Variants in DENND1B observed in about 807,000 individuals in gnomAD.
DENND1B encodes the protein DENN domain containing 1B, also known as DENN domain-containing protein 1B.
Under a neutral mutation model 90.1 loss-of-function variants are expected in DENND1B, and 59 were observed. The observed-to-expected ratio is 0.65, with a 90% confidence interval of 0.53 to 0.81. DENND1B has a LOEUF of 0.81. Among genes scored for constraint, DENND1B ranks in the 40% least tolerant of loss-of-function variants. DENND1B has a pLI of 0.00. For synonymous variants in DENND1B, 337 were observed against 324.6 expected, an observed-to-expected ratio of 1.04 and a Z score of -0.41; for missense variants, 862 against 912.6, an observed-to-expected ratio of 0.94 and a Z score of 0.71.
chr1:197,650,539 C>T (rs780163602), intron 7 of DENND1B, among the ~76,000 whole-genome samples: 1 of 152,180 alleles, frequency 6.6e-6, no homozygotes, highest in African/African-American at 2.4e-5. Flanking sequence ...GGAAAAAAGT[C>T]ATTACATGAA....
chr1:197,669,475 C>T (rs1347030014), intron 5 of DENND1B, among the ~76,000 whole-genome samples: 2 of 152,036 alleles, frequency 1.3e-5, no homozygotes, highest in African/African-American at 4.8e-5. Context: ...TATAATTTTC[C>T]AATTTTCTGA....
In DENND1B at chr1:197,517,778, C is replaced by T. The variant is rs188851447; in HGVS notation, c.1516-4825G>A. Among the ~76,000 whole-genome samples the T allele has an allele frequency of 5.0e-3, 758 of 151,990 alleles. 6 individuals are homozygous for T. Among genetic ancestry groups the T allele is most frequent in the Middle Eastern group, 0.024 (7 of 294 alleles). ...TATGGCAGCCTCTCTGGAGGCTTCA[C>T]CTGCCATAAAGATGTTTGCTCCACA... On this transcript the variant is annotated intron_variant, in intron 20 of 22. Transcript: ENST00000620048.
chr1:197,697,339 A>G (rs2102130287), intron 3 of DENND1B, among the ~76,000 whole-genome samples: 1 of 151,872 alleles, frequency 6.6e-6, no homozygotes, highest in Non-Finnish European at 1.5e-5. Context: ...TAAATCTTCA[A>G]TTAAATAAAA....
At chr1:197,604,934 A>C (rs1676535734) in intron 13 of DENND1B, among the ~76,000 whole-genome samples, 1 of 151,090 alleles carries the variant, frequency 6.6e-6, no homozygotes, top group Middle Eastern at 3.2e-3. Flanking sequence ...ATGGGTTCTA[A>C]AAATCACCCA....
rs143810758 is a variant in DENND1B at position 197,570,595 on chromosome 1, T to C, written c.1149+12557A>G. Among the ~76,000 whole-genome samples the C allele has an allele frequency of 6.0e-3, 917 of 152,298 alleles. 11 individuals carry two copies. Among genetic ancestry groups the C allele is most frequent in the African/African-American group, 0.021 (888 of 41,580 alleles). On this transcript the variant is annotated intron_variant, in intron 15 of 22. Transcript: ENST00000620048. ...TGATTTTATTAGAGGTGGATGATCT[T>C]GAGGATTTTTACCCTAATATTATAA...
intron 2 of DENND1B, chr1:197,747,167 T>C (rs1652815276): frequency 4.0e-6 from 3 of 758,952 alleles, no homozygotes; most frequent in South Asian, 1.4e-5. Context: ...CCTCTGAATC[T>C]TGAGGTTGCG....
intron 13 of DENND1B, among the ~76,000 whole-genome samples, chr1:197,595,563 T>TC (rs1038646938): frequency 2.0e-5 from 3 of 152,092 alleles, no homozygotes; most frequent in Admixed American, 6.6e-5. Flanking sequence ...TCTCTTTTTT[T>TC]CCCAAGGCCT....
intron 10 of DENND1B, among the ~76,000 whole-genome samples, chr1:197,640,680 G>A (rs994192186): frequency 3.3e-5 from 5 of 151,910 alleles, no homozygotes; most frequent in African/African-American, 1.2e-4. Context: ...ATTAAGAGGT[G>A]GATATAAATT....
upstream of DENND1B, among the ~76,000 whole-genome samples, chr1:197,780,469 G>T (rs1436371436): frequency 6.6e-6 from 1 of 151,984 alleles, no homozygotes; most frequent in Non-Finnish European, 1.5e-5. Flanking sequence ...GGAACTACAG[G>T]CACCTGCCAT....
intron 15 of DENND1B, among the ~76,000 whole-genome samples, chr1:197,581,639 G>C (rs1201769202): frequency 6.6e-6 from 1 of 152,106 alleles, no homozygotes. Flanking sequence ...CAGTCAAAAT[G>C]CAACCCAACT....
intron 11 of DENND1B, 115 bp downstream of exon 11, chr1:197,617,544 T>C: frequency 2.9e-6 from 2 of 701,010 alleles, no homozygotes; most frequent in Non-Finnish European, 2.5e-6. Context: ...TTTATTAAAA[T>C]GTAAGTTTCT....
intron 6 of DENND1B, among the ~76,000 whole-genome samples, chr1:197,655,139 T>C (rs1653669786): frequency 1.3e-5 from 2 of 152,220 alleles, no homozygotes; most frequent in Non-Finnish European, 2.9e-5. Flanking sequence ...ACTATATTCC[T>C]ATTTTAAAAA....
rs376505333 is a variant in DENND1B at position 197,561,560 on chromosome 1, A to T, written c.1150-8448T>A. Among the ~76,000 whole-genome samples, 7 of 151,890 alleles carry T rather than the reference A, an allele frequency of 4.6e-5. No homozygotes were observed. In the South Asian group the frequency reaches 1.5e-3, roughly 32 times the overall value. On this transcript the variant is annotated intron_variant, in intron 15 of 22. Coordinates refer to ENST00000620048, the MANE Select transcript of DENND1B (RefSeq NM_001195215.2). ...GGCTTTAAATTCTACCTACATGCTG[A>T]TGACTCCAAAATGTATATACCTCCA... is the stretch of plus-strand genomic sequence containing the variant.
At chr1:197,563,189 GAAC>G (rs1672320707) in intron 15 of DENND1B, among the ~76,000 whole-genome samples, 1 of 151,936 alleles carries the variant, frequency 6.6e-6, no homozygotes, top group Non-Finnish European at 1.5e-5. Flanking sequence ...GAAAGTGGCT[GAAC>G]AACACATTTC....
chr1:197,669,007 C>T (rs1053909453), intron 5 of DENND1B, among the ~76,000 whole-genome samples: 1 of 152,024 alleles, frequency 6.6e-6, no homozygotes, highest in African/African-American at 2.4e-5. Flanking sequence ...ATATTATTTA[C>T]ATTTCCTCTG....
chr1:197,620,228 T>G (rs1678032228), intron 10 of DENND1B, among the ~76,000 whole-genome samples: 1 of 151,270 alleles, frequency 6.6e-6, no homozygotes, highest in African/African-American at 2.4e-5. Context: ...TTATGGCATA[T>G]TCTTTTACAG....
At chr1:197,587,369 T>C (rs2125786029) in intron 14 of DENND1B, among the ~76,000 whole-genome samples, 1 of 152,046 alleles carries the variant, frequency 6.6e-6, no homozygotes, top group South Asian at 2.1e-4. Context: ...GAAAAACAAC[T>C]GAATATTTTG....
rs1667938213 is a variant in DENND1B at position 197,510,357 on chromosome 1, A to C, written c.*103T>G. ...TGAGAAAAATGTTGCAAATGCAAAA[A>C]AAAATTTAAATAGTATGAGTTGCCA... On this transcript the variant is annotated 3_prime_UTR_variant, in exon 23 of 23. Transcript: ENST00000620048. The C allele has an allele frequency of 7.4e-7, 1 of 1,355,568 alleles. No individual in the cohort carries two copies. Among genetic ancestry groups the C allele is most frequent in the Non-Finnish European group, 9.8e-7 (1 of 1,020,858 alleles). The allele number at this position is 1,355,568 out of a possible 1,614,324, so 84.0% of individuals were successfully genotyped here.
intron 20 of DENND1B, among the ~76,000 whole-genome samples, chr1:197,521,726 A>G (rs1460090347): frequency 5.3e-5 from 8 of 152,090 alleles, no homozygotes; most frequent in Admixed American, 2.0e-4. Flanking sequence ...AGCTTTAAAA[A>G]GATGTGTTTT....
Sources: allele counts gnomAD v4.1 joint callset (sites outside exome capture counted in the v4.1 genomes callset), GRCh38; gene constraint gnomAD v4.1.1; transcripts MANE v1.5; gene names NCBI Gene and HGNC (gene_info 2026-07-23, HGNC 2026-07-21).